The following TMF1 variants were observed in gnomAD, a reference collection of about 807,000 sequenced individuals.
TMF1 encodes the protein TATA element modulatory factor.
A neutral mutation model predicts 126.5 loss-of-function variants in TMF1; 71 were observed. The observed-to-expected ratio is 0.56, with a 90% CI of 0.46 to 0.68. The LOEUF is 0.68. TMF1 is among the 30% of genes least tolerant of loss of function. The probability of loss-of-function intolerance (pLI) is 0.00; values close to 1 mark genes in which losing one functional copy is unlikely to be tolerated. For synonymous variants in TMF1, 461 were observed against 430.5 expected (o/e 1.07, Z -0.88); for missense variants, 1,259 against 1,253.2 (o/e 1.00, Z -0.07).
Position 69,047,651 on chromosome 3 carries a change from C to T in TMF1, c.1054G>A (p.Gly352Arg). 2 of 1,614,050 alleles carry T rather than the reference C, an allele frequency of 1.2e-6. No homozygotes were observed. The highest frequency in any genetic ancestry group is 1.1e-5 in the South Asian group (1 of 91,074). ...INSDDELSGK[G>R]YALVPIIVNS... is the part of the protein sequence containing the mutation. ...ACTATAATAGGCACTAAAGCATATC[C>T]CTTGCCTGACAATTCATCATCTGAA... The change falls in exon 2 of 17, where the codon GGA becomes AGA. Residue 352 changes from glycine (G) to arginine (R), a missense_variant. Physicochemically the swap from Gly to Arg is moderately radical, Grantham distance 125 (BLOSUM62 -2). Transcript: ENST00000398559.
chr3:69,029,711 G>A (rs1016851255), intron 11 of TMF1, 104 bp downstream of exon 11: 5 of 1,112,750 alleles, frequency 4.5e-6, no homozygotes, highest in Middle Eastern at 3.1e-4. Context: ...AATGTGCTGG[G>A]ATTACAGGCG....
Position 69,048,110 on chromosome 3 carries a change from T to A in TMF1, c.595A>T (p.Ser199Cys). The change falls in exon 2 of 17, where the codon AGT (serine) becomes TGT (cysteine). Residue 199 changes from serine (S) to cysteine (C), a missense_variant. Physicochemically the swap from Ser to Cys is moderately radical, Grantham distance 112. Transcript: ENST00000398559. Reference protein sequence around the residue: ...VPTVSLKVSESVIDVKTTMES... With the variant: ...VPTVSLKVSECVIDVKTTMES... ...ATAGTTGTTTTCACATCAATTACAC[T>A]TTCAGATACTTTCAAACTTACAGTT... 1 of 1,614,214 alleles carries A rather than the reference T, an allele frequency of 6.2e-7. No homozygotes were observed. Among genetic ancestry groups the A allele is most frequent in the Middle Eastern group, 1.6e-4 (1 of 6,062 alleles).
At chr3:69,025,914 T>C in intron 14 of TMF1, 82 bp downstream of exon 14, 1 of 1,291,710 alleles carries the variant, frequency 7.7e-7, no homozygotes, top group Non-Finnish European at 1.1e-6. Context: ...GGCAAGGTCA[T>C]GATGACAGAC....
chr3:69,029,529 C>A (rs975273225), intron 11 of TMF1, among the ~76,000 whole-genome samples: 2 of 151,838 alleles, frequency 1.3e-5, no homozygotes, highest in Non-Finnish European at 2.9e-5. Context: ...ACTGCAACTT[C>A]CGCCTCCCGG....
At chr3:69,030,246 T>C (rs1273347624) in intron 10 of TMF1, 4 of 381,614 alleles carry the variant, frequency 1.0e-5, no homozygotes, top group Admixed American at 8.7e-5. Context: ...ATTAAAAGAG[T>C]AGTGGATCAC....
Position 69,048,336 on chromosome 3 carries a change from T to C in TMF1, c.369A>G (p.Gln123=), listed in dbSNP as rs927384061. 1.2e-6 allele frequency: 2 copies of C among 1,614,082 alleles called. No homozygotes were observed. Among genetic ancestry groups the C allele is most frequent in the Non-Finnish European group, 1.7e-6 (2 of 1,180,042 alleles). ...PVVSKPPAKS[Q]RPEEEVKSSL... Reference sequence around the variant, plus strand: ...TGCTTTTCACTTCTTCTTCTGGTCGTTGTGATTTTGCTGGAGGTTTTGATA... The same window carrying C: ...TGCTTTTCACTTCTTCTTCTGGTCGCTGTGATTTTGCTGGAGGTTTTGATA... Residue 123 remains glutamine, a synonymous_variant, in exon 2 of 17, where the codon CAA becomes CAG. Coordinates refer to ENST00000398559, the MANE Select transcript of TMF1 (RefSeq NM_007114.3).
Position 69,047,996 on chromosome 3 carries a change from T to G in TMF1, c.709A>C (p.Arg237=). 3.7e-6 allele frequency: 6 copies of G among 1,613,944 alleles called. No individual in the cohort carries two copies. The highest frequency in any genetic ancestry group is 1.3e-5 in the African/African-American group (1 of 75,068). The change falls in exon 2 of 17, where the codon AGG becomes CGG. Residue 237 remains arginine, a synonymous_variant. Transcript: ENST00000398559. ...GGAGGAGAAGGTGTATTGCTCTGCCTGTCTTCATGTTTTTGTTCCTTAGGT... is the reference window on the plus strand; with the variant it reads ...GGAGGAGAAGGTGTATTGCTCTGCCGGTCTTCATGTTTTTGTTCCTTAGGT... ...LEPKEQKHED[R]QSNTPSPPVS...
rs1408621393 is a variant in TMF1 at position 69,020,255 on chromosome 3, A to G, written c.*2922T>C. The G allele has an allele frequency of 6.6e-6, 1 of 152,200 alleles. No individual in the cohort carries two copies. The highest frequency in any genetic ancestry group is 2.4e-5 in the African/African-American group (1 of 41,460). The allele number at this position is 152,200 out of a possible 1,614,324, so 9.4% of individuals were successfully genotyped here. A position where few individuals can be genotyped will look rare whatever the true frequency, so the allele number is the denominator to read the frequency against. On this transcript the variant is annotated 3_prime_UTR_variant, in exon 17 of 17. Coordinates refer to ENST00000398559, the MANE Select transcript of TMF1 (RefSeq NM_007114.3). ...CTTCATGTTTCCTAGGTCAGAAGTT[A>G]TCCACATTTAGAATATCTTAAGTCA...
Position 69,034,076 on chromosome 3 carries a change from G to A in TMF1, c.2245-372C>T, listed in dbSNP as rs139801478. The A allele has an allele frequency of 2.2e-3, 373 of 167,892 alleles. 5 individuals carry two copies. Among genetic ancestry groups the A allele is most frequent in the Non-Finnish European group, 4.0e-3 (308 of 77,324 alleles). 10.4% of individuals were successfully genotyped at this position (167,892 alleles called of 1,614,324 possible). On this transcript the variant is annotated intron_variant, in intron 9 of 16. Transcript: ENST00000398559. ...AATCTGACTGCCTCAGCCTCCCAAA[G>A]CATTGGGATTATAGGCATGAACCAC...
intron 10 of TMF1, among the ~76,000 whole-genome samples, chr3:69,033,273 CAAAAAAA>C (rs34778745): frequency 1.2e-5 from 1 of 85,644 alleles, no homozygotes; most frequent in Non-Finnish European, 2.4e-5. Context: ...GACTCCATCT[CAAAAAAA>C]AAAAAAAAAA....
Position 69,048,279 on chromosome 3 carries a change from T to C in TMF1, c.426A>G (p.Ser142=). 1.2e-6 allele frequency: 2 copies of C among 1,614,212 alleles called. No homozygotes were observed. Among genetic ancestry groups the C allele is most frequent in the Non-Finnish European group, 1.7e-6 (2 of 1,180,024 alleles). The change falls in exon 2 of 17, where the codon TCA becomes TCG. Residue 142 remains serine, a synonymous_variant. Coordinates refer to ENST00000398559, the MANE Select transcript of TMF1 (RefSeq NM_007114.3). ...GTGATTCAGTTGTTTCAGGAGTTCT[T>C]GACTGGCCAATGTGCAAGGATTCAT... ...SLHESLHIGQ[S]RTPETTESQV...
At chr3:69,023,413 C>A in intron 16 of TMF1, 93 bp from the exon 17 acceptor site, 1 of 1,022,798 alleles carries the variant, frequency 9.8e-7, no homozygotes, top group Non-Finnish European at 1.4e-6. Flanking sequence ...GAAAACACTA[C>A]AATTTAAATA....
Position 69,038,687 on chromosome 3 carries a change from T to G in TMF1, c.2028A>C (p.Ala676=). The change falls in exon 8 of 17, where the codon GCA becomes GCC. Residue 676 remains alanine (A), a synonymous_variant. Coordinates refer to ENST00000398559, the MANE Select transcript of TMF1 (RefSeq NM_007114.3). The stretch of plus-strand genomic sequence containing the variant: ...CAGCTTCCTGTGCCTCACTATCCTT[T>G]GCAGCATTGGCTTTGTGAAGATCAG... ...ELTDLHKANA[A]KDSEAQEAAL... The G allele has an allele frequency of 6.2e-7, 1 of 1,613,802 alleles. No homozygotes were observed. The highest frequency in any genetic ancestry group is 1.1e-5 in the South Asian group (1 of 91,026).
At chr3:69,041,612 C>A (rs2107465812) in intron 5 of TMF1, among the ~76,000 whole-genome samples, 1 of 151,704 alleles carries the variant, frequency 6.6e-6, no homozygotes, top group Non-Finnish European at 1.5e-5. Flanking sequence ...TATGGTATAC[C>A]CATATAATGG....
chr3:69,031,607 C>T (rs1021734997), intron 10 of TMF1, among the ~76,000 whole-genome samples: 3 of 152,108 alleles, frequency 2.0e-5, no homozygotes, highest in Admixed American at 6.5e-5. Flanking sequence ...TATAACTGCA[C>T]ATGAATCTAC....
rs181363789 is a variant in TMF1 at position 69,021,046 on chromosome 3, G to C, written c.*2131C>G. 6.6e-6 allele frequency: 1 copy of C among 152,108 alleles called. No individual in the cohort carries two copies. The highest frequency in any genetic ancestry group is 1.5e-5 in the Non-Finnish European group (1 of 68,020). The allele number at this position is 152,108 out of a possible 1,614,324, so 9.4% of individuals were successfully genotyped here. ...CCACGATTTTGCTTTCTGTGGTTTC[G>C]GTTACTCACGGTCAACCACAGTCTG... On this transcript the variant is annotated 3_prime_UTR_variant, in exon 17 of 17. Transcript: ENST00000398559.
In TMF1 at chr3:69,047,702, C is replaced by CTAA; in HGVS notation, c.1000_1002dup (p.Leu334dup). ...TTGATTTCACTTACACTCCGGCTAT[C>CTAA]TAATGACTGTACACTAAATGAGTCT... is the stretch of plus-strand genomic sequence containing the variant. On this transcript the variant is annotated inframe_insertion, in exon 2 of 17. Transcript: ENST00000398559. 6.2e-7 allele frequency: 1 copy of CTAA among 1,614,122 alleles called. No individual in the cohort carries two copies. Among genetic ancestry groups the CTAA allele is most frequent in the Non-Finnish European group, 8.5e-7 (1 of 1,180,034 alleles).
At chr3:69,027,157 G>A (rs565595821) in intron 13 of TMF1, among the ~76,000 whole-genome samples, 9 of 151,960 alleles carry the variant, frequency 5.9e-5, no homozygotes, top group South Asian at 4.2e-4. Context: ...CACCATGCCC[G>A]GCTAATTTTT....
intron 10 of TMF1, among the ~76,000 whole-genome samples, chr3:69,032,239 T>C (rs911488707): frequency 6.6e-6 from 1 of 152,168 alleles, no homozygotes; most frequent in African/African-American, 2.4e-5. Context: ...CTGAATACTA[T>C]TTGAAAGTCA....
Sources: gnomAD v4.1 joint callset for allele counts (sites outside exome capture counted in the v4.1 genomes callset) on GRCh38, gnomAD v4.1.1 for gene constraint, MANE v1.5 for transcripts, NCBI Gene and HGNC (gene_info 2026-07-23, HGNC 2026-07-21) for gene names.